CFAP46: variants seen among roughly 807,000 people sequenced by gnomAD.
The protein encoded by CFAP46 is cilia- and flagella-associated protein 46.
A neutral mutation model predicts 325.7 loss-of-function variants in CFAP46; 245 were observed. The observed-to-expected ratio is 0.75, with a 90% confidence interval of 0.68 to 0.84. CFAP46 has a LOEUF of 0.84. Ranked by LOEUF, CFAP46 falls within the 40% of genes least tolerant of loss-of-function variation. The pLI, the probability that CFAP46 is intolerant of heterozygous loss-of-function variation, is 0.00. For synonymous variants in CFAP46, 1,523 were observed against 1,495.9 expected, an observed-to-expected ratio of 1.02 and a Z score of -0.42; for missense variants, 3,346 against 3,543.0, an observed-to-expected ratio of 0.94 and a Z score of 1.41.
intron 22 of CFAP46, among the ~76,000 whole-genome samples, chr10:132,900,971 T>C (rs909864354): frequency 6.6e-6 from 1 of 152,270 alleles, no homozygotes. Context: ...TTCTTGAAGA[T>C]TGAATCCTTC....
chr10:132,847,249 T>C lies in CFAP46; in HGVS notation c.6025A>G (p.Arg2009Gly), dbSNP rs1213514010. The C allele has an allele frequency of 1.2e-6, 2 of 1,613,266 alleles. No homozygotes were observed. The highest frequency in any genetic ancestry group is 1.7e-6 in the Non-Finnish European group (2 of 1,179,940). Residue 2009 changes from arginine (R) to glycine (G), a missense_variant, in exon 42 of 58, where the codon AGG (arginine) becomes GGG (glycine). Coordinates refer to ENST00000368586, the MANE Select transcript of CFAP46 (RefSeq NM_001200049.3). This position sits in a 1 kb window ranked among gnomAD's most constrained non-coding sequence, Gnocchi z 5.2. ...GCTGCCCTGGAGGCCGGCGGGTCCC[T>C]GCTGGACTTTGTGGCACCCTCTTCC... ...VEEEGATKSSRDPPASRAAPE... is the reference protein window; with the variant it reads ...VEEEGATKSSGDPPASRAAPE...
At chr10:132,887,234 TCC>T (rs1591072966) in intron 25 of CFAP46, among the ~76,000 whole-genome samples, 1 of 98,562 alleles carries the variant, frequency 1.0e-5, no homozygotes. Context: ...CTCTCTCCTC[TCC>T]CCTCTTCTCT....
Position 132,869,370 on chromosome 10 carries a change from A to G in CFAP46, c.4514T>C (p.Leu1505Pro). 1 of 1,528,178 alleles carries G rather than the reference A, an allele frequency of 6.5e-7. No homozygotes were observed. The highest frequency in any genetic ancestry group is 8.8e-7 in the Non-Finnish European group (1 of 1,139,410). The allele number at this position is 1,528,178 out of a possible 1,614,324, so 94.7% of individuals were successfully genotyped here. ...KGLSDLYHLR[L>P]AHACSELKLR... ...CTTCAGCTCGGAGCACGCGTGGGCG[A>G]GGCTGTGGGGAGTGTGGCCGAAAGA... is the stretch of plus-strand genomic sequence containing the variant. Residue 1505 changes from leucine (L) to proline (P), a missense_variant and splice_region_variant, in exon 33 of 58, where the codon CTC (leucine) becomes CCC (proline). By Grantham distance (98) the Leu-to-Pro change is moderately conservative. Transcript: ENST00000368586. The surrounding 1 kb of genome is among the most constrained non-coding windows in gnomAD (Gnocchi z 6.2).
chr10:132,868,013 G>A (rs1044669472), intron 33 of CFAP46, among the ~76,000 whole-genome samples: 2 of 152,164 alleles, frequency 1.3e-5, no homozygotes, highest in Admixed American at 6.5e-5. Context: ...GCCACAGCAC[G>A]TCCAGAGAGG....
chr10:132,922,313 G>T, intron 12 of CFAP46, 89 bp from the exon 13 acceptor site: 2 of 1,488,232 alleles, frequency 1.3e-6, no homozygotes, highest in South Asian at 2.7e-5. Flanking sequence ...CCTTTGGCAG[G>T]GGCCTGTGTG....
chr10:132,942,302 G>GCTCC, intron 1 of CFAP46, 134 bp downstream of exon 1: 1 of 1,047,066 alleles, frequency 9.6e-7, no homozygotes, highest in African/African-American at 1.6e-5. Context: ...GGAGGTGGGG[G>GCTCC]CTCCGGCTGT....
chr10:132,822,692 G>A (rs1270357266), intron 50 of CFAP46, among the ~76,000 whole-genome samples: 1 of 142,906 alleles, frequency 7.0e-6, no homozygotes, highest in Non-Finnish European at 1.5e-5. Context: ...GTGTGCTGAT[G>A]TGTGCTGTGT....
At chr10:132,816,832 G>A (rs1162974334) in intron 50 of CFAP46, among the ~76,000 whole-genome samples, 2 of 152,156 alleles carry the variant, frequency 1.3e-5, no homozygotes, top group African/African-American at 4.8e-5. Flanking sequence ...TCAAGTGCGC[G>A]AGGATGGAAA....
rs1313772302 is a variant in CFAP46, at chr10:132,831,601, TC to T, written c.7117+1756del. Among the ~76,000 whole-genome samples the T allele has an allele frequency of 3.3e-5, 5 of 152,226 alleles. No individual in the cohort carries two copies. In the East Asian group the frequency reaches 9.6e-4, roughly 29 times the overall value. ...TAAGAGATAAGGTTTTTCCATCCTT[TC>T]TTTTTAACTTACCATTTTCTTTGTA... On this transcript the variant is annotated intron_variant, in intron 50 of 57. Coordinates refer to ENST00000368586, the MANE Select transcript of CFAP46 (RefSeq NM_001200049.3).
intron 50 of CFAP46, among the ~76,000 whole-genome samples, chr10:132,821,535 CTGA>C (rs1847828794): frequency 9.0e-6 from 1 of 111,462 alleles, no homozygotes; most frequent in South Asian, 3.0e-4. Context: ...CTGATGTGTG[CTGA>C]TGTGTGCTGT....
chr10:132,902,626 G>A (rs1487864385), intron 22 of CFAP46, among the ~76,000 whole-genome samples: 8 of 152,140 alleles, frequency 5.3e-5, no homozygotes, highest in Non-Finnish European at 8.8e-5. Flanking sequence ...GGGTCTGTTG[G>A]CTGTTTTTTC....
At chr10:132,848,119 C>T (rs1848472059) in intron 41 of CFAP46, among the ~76,000 whole-genome samples, 2 of 152,126 alleles carry the variant, frequency 1.3e-5, no homozygotes, top group African/African-American at 4.8e-5. Context: ...TGCAGAGTCC[C>T]CAGGACCGAG....
intron 50 of CFAP46, among the ~76,000 whole-genome samples, chr10:132,821,469 GTGT>G (rs1408514220): frequency 2.1e-5 from 3 of 140,644 alleles, no homozygotes; most frequent in Admixed American, 1.4e-4. Context: ...GTGCTGATGT[GTGT>G]TGTGTGTGCT....
intron 9 of CFAP46, 147 bp downstream of exon 9, chr10:132,929,558 A>T (rs764918243): frequency 3.7e-6 from 3 of 815,568 alleles, no homozygotes; most frequent in Non-Finnish European, 6.7e-6. Context: ...TGCAAAACAC[A>T]GGTAGGAAAG....
At chr10:132,874,257 G>A (rs571083345) in intron 31 of CFAP46, among the ~76,000 whole-genome samples, 109 of 152,322 alleles carry the variant, frequency 7.2e-4, no homozygotes, top group African/African-American at 2.5e-3. Flanking sequence ...ACCAAAGCTG[G>A]TGACATAAAG....
chr10:132,845,918 G>C, intron 44 of CFAP46, 139 bp downstream of exon 44: 1 of 949,232 alleles, frequency 1.1e-6, no homozygotes, highest in East Asian at 2.6e-5. Flanking sequence ...GCACATGGCT[G>C]GGGGCACGGG....
intron 13 of CFAP46, 129 bp downstream of exon 13, chr10:132,921,975 C>T (rs915473894): frequency 2.0e-5 from 24 of 1,185,596 alleles, no homozygotes; most frequent in Admixed American, 8.6e-5. Flanking sequence ...AGGACACTGC[C>T]GGTGCAAGGT....
rs1430138834 is a variant in CFAP46, at chr10:132,922,555, G to T, written c.1410C>A (p.Thr470=). 8 of 1,548,054 alleles carry T rather than the reference G, an allele frequency of 5.2e-6. No homozygotes were observed. In the Admixed American group the frequency reaches 1.6e-4, roughly 30 times the overall value. The change falls in exon 12 of 58, where the codon ACC becomes ACA. Residue 470 remains threonine, a synonymous_variant. Transcript: ENST00000368586. The part of the protein sequence containing the change: ...LYRDRIQMAS[T]RLRLCTTLYQ... ...ATAGCGTGGTGCACAGACGCAGCCG[G>T]GTGGAGGCCATCTGGATCCTGTCCC...
At chr10:132,842,423 G>A (rs60796621) in intron 44 of CFAP46, among the ~76,000 whole-genome samples, 10,655 of 152,230 alleles carry the variant, frequency 0.07, 936 homozygotes, top group African/African-American at 0.2. Flanking sequence ...GATCTCTAAA[G>A]AGTTCCAAAC....
Sources: gnomAD v4.1 joint callset for allele counts (sites outside exome capture counted in the v4.1 genomes callset) on GRCh38, gnomAD v4.1.1 for gene constraint, Gnocchi (gnomAD v3.1) non-coding constraint, MANE v1.5 for transcripts, NCBI Gene and HGNC (gene_info 2026-07-23, HGNC 2026-07-21) for gene names.